Variants in PFKFB1 observed in about 807,000 individuals in gnomAD.
PFKFB1 encodes the protein 6-phosphofructo-2-kinase/fructose-2,6-biphosphatase 1, also known as 6-phosphofructo-2-kinase/fructose-2,6-bisphosphatase 1.
PFKFB1 carries 34 observed loss-of-function variants against 46.4 expected under a neutral mutation model. The observed-to-expected ratio is 0.73, with a 90% CI of 0.56 to 0.98. PFKFB1 has a LOEUF of 0.98. Ranked by LOEUF, PFKFB1 falls within the 50% of genes least tolerant of loss-of-function variation. The pLI is 0.00. For missense variants in PFKFB1, 393 were observed against 376.3 expected, an observed-to-expected ratio of 1.04 and a Z score of -0.37; for synonymous variants, 119 against 133.8, an observed-to-expected ratio of 0.89 and a Z score of 0.76.
intron 1 of PFKFB1, among the ~76,000 whole-genome samples, chrX:54,971,810 T>C (rs1336922837): frequency 8.9e-6 from 1 of 111,898 alleles, no homozygotes; most frequent in Non-Finnish European, 1.9e-5. Context: ...AGGATTGACT[T>C]GGTGATGCAG....
intron 10 of PFKFB1, among the ~76,000 whole-genome samples, chrX:54,939,558 A>T (rs1052389872): frequency 8.9e-6 from 1 of 111,790 alleles, no homozygotes; most frequent in Non-Finnish European, 1.9e-5. Context: ...TGATAAAGGG[A>T]ATATCACCAC....
At chrX:54,946,012 C>T (rs1437262508) in intron 9 of PFKFB1, among the ~76,000 whole-genome samples, 1 of 106,201 alleles carries the variant, frequency 9.4e-6, no homozygotes, top group African/African-American at 3.4e-5. Flanking sequence ...TGTGTGCTTG[C>T]GTGTGTGTGT....
At chrX:54,985,634 T>C (rs1420444979) in intron 1 of PFKFB1, among the ~76,000 whole-genome samples, 4 of 110,864 alleles carry the variant, frequency 3.6e-5, no homozygotes. Context: ...AATAAATACA[T>C]ACATGTTCTC....
At position 54,937,723 on chromosome X, in the gene PFKFB1, G is replaced by A; in HGVS notation, c.1100C>T (p.Ser367Phe). Reference sequence around the variant, plus strand: ...CAGACGCTGAACCAGATCCTCATAGGACTAAACGTAAGAGAGATACTTGAG... The same window carrying A: ...CAGACGCTGAACCAGATCCTCATAGAACTAAACGTAAGAGAGATACTTGAG... The part of the protein sequence containing the change: ...KYRYRYPKGE[S>F]YEDLVQRLEP... Residue 367 changes from serine to phenylalanine, a missense_variant and splice_region_variant, in exon 11 of 14, where the codon TCC (serine) becomes TTC (phenylalanine). By Grantham distance (155) the Ser-to-Phe change is radical. Coordinates refer to ENST00000375006, the MANE Select transcript of PFKFB1 (RefSeq NM_002625.4). 1.7e-6 allele frequency: 2 copies of A among 1,206,860 alleles called. No individual in the cohort carries two copies. Among genetic ancestry groups the A allele is most frequent in the Non-Finnish European group, 2.2e-6 (2 of 892,079 alleles).
At chrX:54,965,111 C>T (rs1934439431) in intron 1 of PFKFB1, among the ~76,000 whole-genome samples, 1 of 111,493 alleles carries the variant, frequency 9.0e-6, no homozygotes, top group Non-Finnish European at 1.9e-5. Flanking sequence ...AAGAATAAGG[C>T]AGAAGAAATA....
At chrX:54,992,039 A>G (rs1433326077) in intron 1 of PFKFB1, among the ~76,000 whole-genome samples, 1 of 111,611 alleles carries the variant, frequency 9.0e-6, no homozygotes, top group Non-Finnish European at 1.9e-5. Flanking sequence ...GACATTGTCC[A>G]GACTTGGCAA....
At chrX:54,967,440 C>G (rs1456788652) in intron 1 of PFKFB1, among the ~76,000 whole-genome samples, 1 of 106,912 alleles carries the variant, frequency 9.4e-6, no homozygotes, top group African/African-American at 3.4e-5. Flanking sequence ...ACACCAAAAG[C>G]AATGGCAACA....
At chrX:54,983,363 C>T (rs754152826) in intron 1 of PFKFB1, among the ~76,000 whole-genome samples, 1 of 111,105 alleles carries the variant, frequency 9.0e-6, no homozygotes, top group African/African-American at 3.3e-5. Flanking sequence ...GTGTGTTGTT[C>T]CCCTCTATGT....
At chrX:54,941,047 T>C (rs1242249670) in intron 10 of PFKFB1, among the ~76,000 whole-genome samples, 1 of 111,563 alleles carries the variant, frequency 9.0e-6, no homozygotes, top group Non-Finnish European at 1.9e-5. Context: ...AACAGAGATA[T>C]AGACCAATGG....
chrX:54,966,867 G>C (rs1298871962), intron 1 of PFKFB1, among the ~76,000 whole-genome samples: 1 of 111,713 alleles, frequency 9.0e-6, no homozygotes, highest in Non-Finnish European at 1.9e-5. Flanking sequence ...AAAGGAAAGG[G>C]AAGAGTTTTG....
chrX:54,993,183 GGTAC>G (rs771236696), intron 1 of PFKFB1, among the ~76,000 whole-genome samples: 1 of 111,968 alleles, frequency 8.9e-6, no homozygotes, highest in Non-Finnish European at 1.9e-5. Flanking sequence ...TATGGGAAAT[GGTAC>G]ACTCCAGATT....
At chrX:54,977,055 A>G (rs937627727) in intron 1 of PFKFB1, among the ~76,000 whole-genome samples, 1 of 110,477 alleles carries the variant, frequency 9.1e-6, no homozygotes, top group Admixed American at 9.7e-5. Context: ...ATACGGTACT[A>G]TGGAAGAGGA....
intron 10 of PFKFB1, among the ~76,000 whole-genome samples, chrX:54,939,134 T>C (rs1933516883): frequency 8.9e-6 from 1 of 111,976 alleles, no homozygotes; most frequent in South Asian, 3.8e-4. Context: ...AACCTGCTCC[T>C]GAATGACTAC....
chrX:54,977,261 C>T (rs969621868), intron 1 of PFKFB1, among the ~76,000 whole-genome samples: 1 of 110,606 alleles, frequency 9.0e-6, no homozygotes, highest in East Asian at 2.8e-4. Flanking sequence ...TAAATAACCA[C>T]GAAAATAGTG....
rs967146302 is a variant in PFKFB1 at position 54,945,526 on chromosome X, C to A, written c.1011G>T (p.Met337Ile). 7 of 1,172,847 alleles carry A rather than the reference C, an allele frequency of 6.0e-6. No homozygotes were observed. Among genetic ancestry groups the A allele is most frequent in the Non-Finnish European group, 8.1e-6 (7 of 862,731 alleles). The change falls in exon 10 of 14, where the codon ATG (methionine) becomes ATT (isoleucine). Residue 337 changes from methionine (M) to isoleucine (I), a missense_variant. Transcript: ENST00000375006. The part of the protein sequence containing the change: ...NEIDAGVCEE[M>I]TYEEIQEHYP... ...AATGTTCCTGGATTTCTTCATAGGT[C>A]ATCTCCTCACAGACACCCTGAGAAA...
At chrX:54,944,351 CAAGAT>C (rs1222341425) in intron 10 of PFKFB1, among the ~76,000 whole-genome samples, 3 of 110,995 alleles carry the variant, frequency 2.7e-5, no homozygotes, top group South Asian at 3.8e-4. Flanking sequence ...GAGCTCAAGA[CAAGAT>C]AATAGTAATA....
chrX:54,966,262 G>C (rs755227123), intron 1 of PFKFB1, among the ~76,000 whole-genome samples: 1 of 112,052 alleles, frequency 8.9e-6, no homozygotes, highest in South Asian at 3.7e-4. Context: ...AAAACTCTGA[G>C]AGAATGCATG....
chrX:54,997,845 G>A (rs1342088702), upstream of PFKFB1, among the ~76,000 whole-genome samples: 2 of 112,191 alleles, frequency 1.8e-5, no homozygotes, highest in Non-Finnish European at 3.8e-5. Context: ...AGCAGCTGGA[G>A]GGTTTTGGGT....
intron 8 of PFKFB1, among the ~76,000 whole-genome samples, chrX:54,950,921 G>A (rs865881932): frequency 1.8e-5 from 2 of 112,826 alleles, no homozygotes; most frequent in African/African-American, 3.2e-5. Context: ...CATCCTGGCC[G>A]CCTGCCCTGG....
Sources: gnomAD v4.1 joint callset for allele counts (sites outside exome capture counted in the v4.1 genomes callset) on GRCh38, gnomAD v4.1.1 for gene constraint, MANE v1.5 for transcripts, NCBI Gene and HGNC (gene_info 2026-07-23, HGNC 2026-07-21) for gene names.